SFXN5: variants seen among roughly 807,000 people sequenced by gnomAD.
The protein encoded by SFXN5 is sideroflexin-5.
In SFXN5, 43 loss-of-function variants were observed where a neutral mutation model predicts 50.2. The observed-to-expected ratio is 0.86, with a 90% CI of 0.67 to 1.11. SFXN5 has a LOEUF of 1.11. Among genes scored for constraint, SFXN5 ranks in the 50% least tolerant of loss-of-function variants. SFXN5 has a pLI of 0.00. For synonymous variants in SFXN5, 203 were observed against 185.8 expected (o/e 1.09, Z -0.75); for missense variants, 463 against 454.1 (o/e 1.02, Z -0.18).
chr2:73,059,473 T>G, intron 1 of SFXN5: 1 of 985,320 alleles, frequency 1.0e-6, no homozygotes, highest in Non-Finnish European at 1.2e-6. Context: ...AGCCTCCACA[T>G]TCCCTCCCCT....
chr2:72,990,767 G>A (rs552588432), intron 9 of SFXN5, among the ~76,000 whole-genome samples: 38 of 152,310 alleles, frequency 2.5e-4, no homozygotes, highest in African/African-American at 7.2e-4. Flanking sequence ...CCTAACCAGG[G>A]TGCTATGACT....
chr2:73,047,245 AAT>A (rs1167103035), intron 2 of SFXN5, among the ~76,000 whole-genome samples: 809 of 18,868 alleles, frequency 0.043, 44 homozygotes, highest in African/African-American at 0.058. Flanking sequence ...AAAAAAAAAA[AAT>A]ATATATATAT....
At chr2:72,972,991 G>C (rs1251332428) in intron 10 of SFXN5, among the ~76,000 whole-genome samples, 1 of 152,060 alleles carries the variant, frequency 6.6e-6, no homozygotes, top group Non-Finnish European at 1.5e-5. Flanking sequence ...GGAGACCACA[G>C]ATGCTCCTGG....
chr2:73,047,486 C>A (rs1205950800), intron 2 of SFXN5, among the ~76,000 whole-genome samples: 1 of 149,910 alleles, frequency 6.7e-6, no homozygotes, highest in Non-Finnish European at 1.5e-5. Flanking sequence ...AAAATCTCAC[C>A]CTAAATTATA....
intron 3 of SFXN5, among the ~76,000 whole-genome samples, chr2:73,039,582 G>C (rs1679359085): frequency 6.6e-6 from 1 of 152,108 alleles, no homozygotes; most frequent in African/African-American, 2.4e-5. Context: ...GATGATAAGA[G>C]AGCTGAATCC....
chr2:72,970,115 A>G (rs1403341101), intron 11 of SFXN5, among the ~76,000 whole-genome samples: 1 of 152,198 alleles, frequency 6.6e-6, no homozygotes, highest in South Asian at 2.1e-4. Flanking sequence ...TGACACTGAC[A>G]GGAGTTATCA....
chr2:73,063,522 T>C (rs1682961955), intron 1 of SFXN5, among the ~76,000 whole-genome samples: 1 of 152,216 alleles, frequency 6.6e-6, no homozygotes, highest in South Asian at 2.1e-4. Context: ...CTCAGGGTCT[T>C]GTTTCCTTAA....
At chr2:73,026,936 C>A (rs1677634761) in intron 3 of SFXN5, among the ~76,000 whole-genome samples, 1 of 152,024 alleles carries the variant, frequency 6.6e-6, no homozygotes, top group African/African-American at 2.4e-5. Context: ...CCATGTTGGC[C>A]AGCTGGTCTC....
chr2:72,945,111 G>A lies in SFXN5; in HGVS notation c.946-12C>T, dbSNP rs1348076224. ...TGGGATGTTTCAATCTGTGGAGAGAGAACAGAGAGGAAAAGTGGGGGAGTG... is the reference window on the plus strand; with the variant it reads ...TGGGATGTTTCAATCTGTGGAGAGAAAACAGAGAGGAAAAGTGGGGGAGTG... On this transcript the variant is annotated splice_polypyrimidine_tract_variant and intron_variant, in intron 13 of 13. Coordinates refer to ENST00000272433, the MANE Select transcript of SFXN5 (RefSeq NM_144579.3). This position sits in a 1 kb window ranked among gnomAD's most constrained non-coding sequence, Gnocchi z 5.8. 6.2e-7 allele frequency: 1 copy of A among 1,612,474 alleles called. No homozygotes were observed. Among genetic ancestry groups the A allele is most frequent in the Non-Finnish European group, 8.5e-7 (1 of 1,178,912 alleles).
chr2:73,028,643 G>A lies in SFXN5; in HGVS notation c.250-5429C>T, dbSNP rs148221527. Among the ~76,000 whole-genome samples the A allele has an allele frequency of 1.1e-3, 171 of 152,326 alleles. 1 individual carries two copies. Among genetic ancestry groups the A allele is most frequent in the African/African-American group, 3.8e-3 (157 of 41,572 alleles). On this transcript the variant is annotated intron_variant, in intron 3 of 13. Coordinates refer to ENST00000272433, the MANE Select transcript of SFXN5 (RefSeq NM_144579.3). ...TTTCTGTTTTTTGAACAAGGGTCTT[G>A]CATTTCTATTTTGTATTGAGTCTCA...
At chr2:73,058,692 C>G in intron 1 of SFXN5, 96 bp from the exon 2 acceptor site, 1 of 1,181,486 alleles carries the variant, frequency 8.5e-7, no homozygotes, top group South Asian at 1.3e-5. Flanking sequence ...TTGGGGTCCC[C>G]CGGTCCCCAG....
chr2:72,994,640 G>A (rs749727889), intron 9 of SFXN5, among the ~76,000 whole-genome samples: 6 of 151,786 alleles, frequency 4.0e-5, no homozygotes, highest in African/African-American at 1.2e-4. Flanking sequence ...CCAGCCCCAC[G>A]TCCACCCTCA....
intron 3 of SFXN5, among the ~76,000 whole-genome samples, chr2:73,026,136 T>TTTTTTTTA (rs1398676348): frequency 6.9e-6 from 1 of 145,498 alleles, no homozygotes; most frequent in Admixed American, 6.7e-5. Flanking sequence ...CTTTTTTTTT[T>TTTTTTTTA]TCTTTTTTTG....
rs1329065843 is a variant in SFXN5, at chr2:72,968,168, CAA to C, written c.827+278_827+279del. Among the ~76,000 whole-genome samples the C allele has an allele frequency of 9.0e-5, 13 of 144,476 alleles. No individual in the cohort carries two copies. The East Asian group carries it at 1.4e-3, about 16-fold the overall frequency. The allele number at this position is 144,476 out of a possible 152,430, so 94.8% of individuals were successfully genotyped here. On this transcript the variant is annotated intron_variant, in intron 12 of 13. Coordinates refer to ENST00000272433, the MANE Select transcript of SFXN5 (RefSeq NM_144579.3). ...ACACACACACACACACACACACACA[CAA>C]CTGCCAGCTCCTCAGGGGAGGGCCA...
intron 13 of SFXN5, among the ~76,000 whole-genome samples, chr2:72,956,324 C>G (rs1673081621): frequency 6.6e-6 from 1 of 152,220 alleles, no homozygotes; most frequent in Non-Finnish European, 1.5e-5. Context: ...TCCCTCCAGC[C>G]CCTCCACTGC....
intron 3 of SFXN5, among the ~76,000 whole-genome samples, chr2:73,030,269 T>C (rs1039592121): frequency 2.0e-5 from 3 of 152,294 alleles, no homozygotes; most frequent in South Asian, 4.1e-4. Flanking sequence ...CTTAGGCTTG[T>C]CATATATTTT....
At chr2:73,009,971 G>T (rs1313656395) in intron 6 of SFXN5, among the ~76,000 whole-genome samples, 1 of 152,118 alleles carries the variant, frequency 6.6e-6, no homozygotes, top group Non-Finnish European at 1.5e-5. Flanking sequence ...ATTGTGTAAG[G>T]GTCCATTTGG....
intron 6 of SFXN5, among the ~76,000 whole-genome samples, chr2:73,006,063 C>T (rs1674593574): frequency 6.6e-6 from 1 of 152,134 alleles, no homozygotes; most frequent in Admixed American, 6.5e-5. Flanking sequence ...TGACTGACAG[C>T]ACGTGGGAGG....
intron 13 of SFXN5, among the ~76,000 whole-genome samples, chr2:72,957,808 G>A (rs1264182056): frequency 2.0e-5 from 3 of 152,236 alleles, no homozygotes; most frequent in South Asian, 2.1e-4. Flanking sequence ...ACCCCATAAT[G>A]CCCAGGCTAG....
Sources: allele counts gnomAD v4.1 joint callset (sites outside exome capture counted in the v4.1 genomes callset), GRCh38; gene constraint gnomAD v4.1.1; non-coding constraint Gnocchi (gnomAD v3.1); transcripts MANE v1.5; gene names NCBI Gene and HGNC (gene_info 2026-07-23, HGNC 2026-07-21).